Variants in PCM1 observed in about 807,000 individuals in gnomAD.
PCM1 encodes pericentriolar material 1.
A neutral mutation model predicts 241.9 loss-of-function variants in PCM1; 157 were observed. That is an observed-to-expected ratio of 0.65 (90% CI 0.57 to 0.74). The LOEUF (loss-of-function observed/expected upper bound fraction) is 0.74. Among genes scored for constraint, PCM1 ranks in the 30% least tolerant of loss-of-function variants. PCM1 has a pLI of 0.00. For synonymous variants in PCM1, 1,085 were observed against 784.9 expected (o/e 1.38, Z -6.39); for missense variants, 3,478 against 2,360.1 (o/e 1.47, Z -9.81).
rs537670235 is a variant in PCM1 at position 18,006,501 on chromosome 8, T to G, written c.4962+104T>G. The G allele has an allele frequency of 6.5e-5, 47 of 722,298 alleles. No homozygotes were observed. In the South Asian group the frequency reaches 8.9e-4, roughly 14 times the overall value. The allele number at this position is 722,298 out of a possible 1,614,324, so 44.7% of individuals were successfully genotyped here. The stretch of plus-strand genomic sequence containing the variant: ...TCTTGCATTACACAATTTATTCTGG[T>G]GGACATCCAATCTAGCGTCCATTTG... On this transcript the variant is annotated intron_variant, in intron 30 of 38. Transcript: ENST00000325083.
At chr8:17,932,257 C>G (rs1015074247) in intron 2 of PCM1, among the ~76,000 whole-genome samples, 1 of 152,070 alleles carries the variant, frequency 6.6e-6, no homozygotes. Context: ...CATTATAGTT[C>G]TTTCCACCAT....
At chr8:17,964,845 G>C (rs976987572) in intron 18 of PCM1, 77 bp downstream of exon 18, 8 of 1,073,778 alleles carry the variant, frequency 7.5e-6, no homozygotes, top group Middle Eastern at 5.8e-4. Context: ...CACTTCTGCA[G>C]TTCTCCAAGC....
At chr8:18,007,733 C>A (rs1278053129) in intron 30 of PCM1, among the ~76,000 whole-genome samples, 1 of 152,114 alleles carries the variant, frequency 6.6e-6, no homozygotes, top group African/African-American at 2.4e-5. Flanking sequence ...GCTTAAATTA[C>A]CATCTTCTAC....
Position 17,954,261 on chromosome 8 carries a change from C to G in PCM1, c.1288+1075C>G, listed in dbSNP as rs544508802. Reference sequence around the variant, plus strand: ...TGACCAACATGGAGAAACCCCGTCTCTACTAAAAGTACAAAAGTAGCCAGG... The same window carrying G: ...TGACCAACATGGAGAAACCCCGTCTGTACTAAAAGTACAAAAGTAGCCAGG... On this transcript the variant is annotated intron_variant, in intron 9 of 38. Coordinates refer to ENST00000325083, the MANE Select transcript of PCM1 (RefSeq NM_006197.4). 3.3e-5 allele frequency among the ~76,000 whole-genome samples: 5 copies of G among 152,134 alleles called. No individual in the cohort carries two copies. The South Asian group carries it at 8.3e-4, about 25-fold the overall frequency.
intron 36 of PCM1, among the ~76,000 whole-genome samples, chr8:18,021,543 A>G (rs926108984): frequency 3.3e-5 from 5 of 152,208 alleles, no homozygotes; most frequent in South Asian, 4.1e-4. Flanking sequence ...TAGGAAATGT[A>G]TTTCCTTTAT....
intron 29 of PCM1, among the ~76,000 whole-genome samples, chr8:18,000,239 A>G (rs898696664): frequency 1.3e-5 from 2 of 152,190 alleles, no homozygotes; most frequent in Non-Finnish European, 2.9e-5. Context: ...ATATGGTTGG[A>G]GGATATTTGT....
chr8:17,992,069 TATAA>T (rs1052506762), intron 28 of PCM1, among the ~76,000 whole-genome samples: 16 of 152,332 alleles, frequency 1.1e-4, no homozygotes, highest in African/African-American at 3.6e-4. Context: ...TGCTGTGGTG[TATAA>T]ATAAATAAAC....
rs546818221 is a variant in PCM1, at chr8:17,966,587, C to G, written c.3221+114C>G. 2.1e-5 allele frequency: 18 copies of G among 838,992 alleles called. No homozygotes were observed. The Middle Eastern group carries it at 1.2e-3, about 57-fold the overall frequency. 52.0% of individuals were successfully genotyped at this position (838,992 alleles called of 1,614,324 possible). ...ACCAAATTGCATATTTGGACATTCT[C>G]TTTCCCTTGAGAATTTTATAAGTGG... On this transcript the variant is annotated intron_variant, in intron 20 of 38. Coordinates refer to ENST00000325083, the MANE Select transcript of PCM1 (RefSeq NM_006197.4).
intron 21 of PCM1, chr8:17,969,286 G>T: frequency 4.1e-6 from 1 of 243,850 alleles, no homozygotes; most frequent in Non-Finnish European, 7.8e-6. Flanking sequence ...AACATGTAAA[G>T]TGCCTGCAGT....
At chr8:17,997,712 A>G (rs2087420027) in intron 29 of PCM1, among the ~76,000 whole-genome samples, 1 of 151,910 alleles carries the variant, frequency 6.6e-6, no homozygotes, top group Non-Finnish European at 1.5e-5. Context: ...TGTTTATTAA[A>G]TTTATCTATG....
At chr8:17,964,472 A>G (rs1436146170) in intron 17 of PCM1, 96 bp from the exon 18 acceptor site, 4 of 840,364 alleles carry the variant, frequency 4.8e-6, no homozygotes, top group Non-Finnish European at 7.4e-6. Flanking sequence ...ACAGACATGT[A>G]TATGTATGTT....
intron 2 of PCM1, among the ~76,000 whole-genome samples, chr8:17,934,322 T>G (rs1585751778): frequency 6.6e-6 from 1 of 151,750 alleles, no homozygotes; most frequent in Non-Finnish European, 1.5e-5. Context: ...AGTGCAGTGG[T>G]GCAGTCTCGG....
intron 2 of PCM1, among the ~76,000 whole-genome samples, chr8:17,928,494 T>A (rs2057853791): frequency 6.6e-6 from 1 of 152,044 alleles, no homozygotes; most frequent in Non-Finnish European, 1.5e-5. Flanking sequence ...AAAGAGATGT[T>A]CTTCTTCCTC....
In PCM1 at chr8:17,935,639, A is replaced by G; in HGVS notation, c.29A>G (p.Asp10Gly). The G allele has an allele frequency of 1.3e-6, 2 of 1,558,606 alleles. No homozygotes were observed. Among genetic ancestry groups the G allele is most frequent in the South Asian group, 2.2e-5 (2 of 89,660 alleles). ...GCCACAGGAGGAGGTCCCTTTGAAG[A>G]TGGCATGAATGATCAGGATTTACCA... MATGGGPFE[D>G]GMNDQDLPNW... Residue 10 changes from aspartate (D) to glycine (G), a missense_variant, in exon 3 of 39, where the codon GAT becomes GGT. Coordinates refer to ENST00000325083, the MANE Select transcript of PCM1 (RefSeq NM_006197.4).
chr8:18,019,623 C>T (rs2093600610), intron 36 of PCM1, among the ~76,000 whole-genome samples: 2 of 152,144 alleles, frequency 1.3e-5, no homozygotes, highest in Admixed American at 1.3e-4. Flanking sequence ...AGATCTCTGG[C>T]ATGAGCAGTT....
chr8:18,006,251 G>T lies in PCM1; in HGVS notation c.4828-12G>T. On this transcript the variant is annotated splice_polypyrimidine_tract_variant and intron_variant, in intron 29 of 38. Transcript: ENST00000325083. ...GTAAGTTTATATTCTAACCAACTAGGATTTTTCTCAGGAGCACATGGATGA... is the reference window on the plus strand; with the variant it reads ...GTAAGTTTATATTCTAACCAACTAGTATTTTTCTCAGGAGCACATGGATGA... 1 of 1,589,602 alleles carries T rather than the reference G, an allele frequency of 6.3e-7. No individual in the cohort carries two copies. The highest frequency in any genetic ancestry group is 2.2e-5 in the East Asian group (1 of 44,500).
chr8:18,025,405 T>G lies in PCM1; in HGVS notation c.5886T>G (p.Asp1962Glu). The change falls in exon 37 of 39, where the codon GAT (aspartate) becomes GAG (glutamate). Residue 1962 changes from aspartate (D) to glutamate (E), a missense_variant. By Grantham distance (45) the Asp-to-Glu change is conservative. Coordinates refer to ENST00000325083, the MANE Select transcript of PCM1 (RefSeq NM_006197.4). The stretch of plus-strand genomic sequence containing the variant: ...TAAGTCAAAAGTCTGATGAAGAAGA[T>G]TTTGTAAAAGTTGAAGATTTACCAC... ...GNISQKSDEE[D>E]FVKVEDLPLK... 6.2e-7 allele frequency: 1 copy of G among 1,605,644 alleles called. No individual in the cohort carries two copies. The highest frequency in any genetic ancestry group is 1.7e-4 in the Middle Eastern group (1 of 6,032).
At chr8:17,947,757 G>C (rs1170771521) in intron 7 of PCM1, among the ~76,000 whole-genome samples, 2 of 152,238 alleles carry the variant, frequency 1.3e-5, no homozygotes, top group East Asian at 3.9e-4. Context: ...CTTAAGTGAG[G>C]CAGTGAGTAA....
At chr8:17,965,901 G>C (rs189575486) in intron 18 of PCM1, 98 bp from the exon 19 acceptor site, 1 of 730,256 alleles carries the variant, frequency 1.4e-6, no homozygotes, top group East Asian at 2.7e-5. Context: ...ATTTAAAACA[G>C]AATATTGGCC....
Sources: gnomAD v4.1 joint callset for allele counts (sites outside exome capture counted in the v4.1 genomes callset) on GRCh38, gnomAD v4.1.1 for gene constraint, MANE v1.5 for transcripts, NCBI Gene and HGNC (gene_info 2026-07-23, HGNC 2026-07-21) for gene names.